Variants in CAMK2D observed in about 807,000 individuals in gnomAD.
CAMK2D encodes the protein calcium/calmodulin-dependent protein kinase type II subunit delta.
Under a neutral mutation model 84.0 loss-of-function variants are expected in CAMK2D, and 37 were observed. That is an observed-to-expected ratio of 0.44 (90% CI 0.34 to 0.58). The LOEUF (loss-of-function observed/expected upper bound fraction) is 0.58, where lower values mean the gene tolerates loss of function less well. CAMK2D is among the 20% of genes least tolerant of loss of function. The pLI, the probability that CAMK2D is intolerant of heterozygous loss-of-function variation, is 0.02. For missense variants in CAMK2D, 448 were observed against 652.5 expected, an observed-to-expected ratio of 0.69 and a Z score of 3.41; for synonymous variants, 202 against 212.5, an observed-to-expected ratio of 0.95 and a Z score of 0.43.
At chr4:113,705,022 C>G (rs74843256) in intron 2 of CAMK2D, among the ~76,000 whole-genome samples, 2,210 of 151,856 alleles carry the variant, frequency 0.015, 24 homozygotes, top group Non-Finnish European at 0.023. Context: ...GGGTGGTTTC[C>G]AGAAATACCT....
chr4:113,721,782 A>T (rs1311811889), intron 2 of CAMK2D, among the ~76,000 whole-genome samples: 1 of 152,174 alleles, frequency 6.6e-6, no homozygotes, highest in Non-Finnish European at 1.5e-5. Flanking sequence ...ATTTATCATA[A>T]ATCCTCTATC....
At chr4:113,541,223 G>A (rs927034780) in intron 6 of CAMK2D, among the ~76,000 whole-genome samples, 1 of 152,114 alleles carries the variant, frequency 6.6e-6, no homozygotes, top group African/African-American at 2.4e-5. Flanking sequence ...CATGAGGTAG[G>A]GAGGCCCAAA....
intron 2 of CAMK2D, among the ~76,000 whole-genome samples, chr4:113,667,882 T>C (rs1209824274): frequency 6.6e-6 from 1 of 152,194 alleles, no homozygotes; most frequent in African/African-American, 2.4e-5. Flanking sequence ...TACAACTATA[T>C]AGGATGATTG....
At chr4:113,539,845 A>G (rs1248444107) in intron 6 of CAMK2D, among the ~76,000 whole-genome samples, 2 of 152,178 alleles carry the variant, frequency 1.3e-5, no homozygotes, top group Non-Finnish European at 2.9e-5. Context: ...AGAATTATAT[A>G]ACGAAAATGT....
chr4:113,515,294 C>A, intron 9 of CAMK2D, 103 bp from the exon 10 acceptor site: 1 of 709,222 alleles, frequency 1.4e-6, no homozygotes, highest in South Asian at 2.1e-5. Flanking sequence ...TGAATTTCTT[C>A]ATAAATTTAC....
At chr4:113,712,734 T>C (rs879746978) in intron 2 of CAMK2D, among the ~76,000 whole-genome samples, 2 of 151,914 alleles carry the variant, frequency 1.3e-5, no homozygotes, top group Non-Finnish European at 2.9e-5. Flanking sequence ...TCCACCGCCA[T>C]GTTTAAACCA....
chr4:113,611,047 A>AACACACAC lies in CAMK2D; in HGVS notation c.221-1849_221-1842dup, dbSNP rs141563975. 1.5e-4 allele frequency among the ~76,000 whole-genome samples: 22 copies of AACACACAC among 148,628 alleles called. 1 individual carries two copies. The highest frequency in any genetic ancestry group is 7.4e-4 in the Admixed American group (11 of 14,878). On this transcript the variant is annotated intron_variant, in intron 3 of 20. Coordinates refer to ENST00000511664, the MANE Select transcript of CAMK2D (RefSeq NM_001321571.2). The stretch of plus-strand genomic sequence containing the variant: ...CTATATATATGTTATATATACACAT[A>AACACACAC]ACACACACACACACACACACACACA...
rs540209453 is a variant in CAMK2D, at chr4:113,570,790, A to G, written c.276-18694T>C. ...AAAAGATCAGACAACAAAAGCAAAA[A>G]TAGATGAGATTACATGAAACTTAAA... On this transcript the variant is annotated intron_variant, in intron 4 of 20. Transcript: ENST00000511664. 8.5e-5 allele frequency among the ~76,000 whole-genome samples: 13 copies of G among 152,304 alleles called. No individual in the cohort carries two copies. The East Asian group carries it at 2.5e-3, about 29-fold the overall frequency.
intron 6 of CAMK2D, among the ~76,000 whole-genome samples, chr4:113,546,786 A>G (rs2098578548): frequency 6.6e-6 from 1 of 152,196 alleles, no homozygotes; most frequent in African/African-American, 2.4e-5. Context: ...TTCGATTTCT[A>G]GGCTTCACTA....
At chr4:113,539,836 G>T (rs531626518) in intron 6 of CAMK2D, among the ~76,000 whole-genome samples, 8 of 152,172 alleles carry the variant, frequency 5.3e-5, no homozygotes, top group Admixed American at 2.0e-4. Flanking sequence ...CTAAAATACA[G>T]AATTATATAA....
intron 9 of CAMK2D, among the ~76,000 whole-genome samples, chr4:113,517,022 TTAAA>T (rs1181965926): frequency 2.0e-5 from 3 of 151,646 alleles, no homozygotes; most frequent in Admixed American, 6.6e-5. Flanking sequence ...TAATTATAAA[TTAAA>T]TATATTATTA....
At chr4:113,464,296 G>A (rs1189556502) in intron 17 of CAMK2D, among the ~76,000 whole-genome samples, 1 of 152,126 alleles carries the variant, frequency 6.6e-6, no homozygotes, top group African/African-American at 2.4e-5. Flanking sequence ...GTCAGTTCAT[G>A]TTCTTTACCT....
rs139130787 is a variant in CAMK2D at position 113,729,647 on chromosome 4, T to C, written c.160+29673A>G. Among the ~76,000 whole-genome samples, 387 of 152,340 alleles carry C rather than the reference T, an allele frequency of 2.5e-3. 1 individual carries two copies. Among genetic ancestry groups the C allele is most frequent in the Middle Eastern group, 6.8e-3 (2 of 294 alleles). ...ATTACATCACCATGATAGCACTTTATCTTTGCTGCACTGAAAGTCTGTGTC... is the reference window on the plus strand; with the variant it reads ...ATTACATCACCATGATAGCACTTTACCTTTGCTGCACTGAAAGTCTGTGTC... On this transcript the variant is annotated intron_variant, in intron 2 of 20. Coordinates refer to ENST00000511664, the MANE Select transcript of CAMK2D (RefSeq NM_001321571.2).
At chr4:113,689,072 A>G (rs2099372811) in intron 2 of CAMK2D, among the ~76,000 whole-genome samples, 1 of 151,764 alleles carries the variant, frequency 6.6e-6, no homozygotes, top group Non-Finnish European at 1.5e-5. Context: ...GTGAAACCCC[A>G]TCTCTACTAA....
At chr4:113,674,357 G>GGAAC (rs2154328990) in intron 2 of CAMK2D, among the ~76,000 whole-genome samples, 1 of 152,180 alleles carries the variant, frequency 6.6e-6, no homozygotes, top group Admixed American at 6.5e-5. Context: ...TCATTGAGAA[G>GGAAC]GAACATTTAC....
At chr4:113,504,799 A>G (rs1031581014) in intron 14 of CAMK2D, among the ~76,000 whole-genome samples, 177 bp downstream of exon 14, 11 of 151,368 alleles carry the variant, frequency 7.3e-5, no homozygotes, top group African/African-American at 2.7e-4. Flanking sequence ...AAAAAAAACC[A>G]AAAGAAATGA....
At chr4:113,494,094 T>A (rs2097889015) in intron 16 of CAMK2D, among the ~76,000 whole-genome samples, 1 of 152,240 alleles carries the variant, frequency 6.6e-6, no homozygotes, top group African/African-American at 2.4e-5. Context: ...TTGAATGTCC[T>A]CCCGTAGCTC....
chr4:113,622,622 G>T (rs933054568), intron 3 of CAMK2D, among the ~76,000 whole-genome samples: 5 of 152,160 alleles, frequency 3.3e-5, no homozygotes, highest in African/African-American at 1.2e-4. Context: ...TTAAAAGCTG[G>T]ACGTGGTGTT....
chr4:113,500,143 T>A (rs2098013234), intron 16 of CAMK2D, among the ~76,000 whole-genome samples: 1 of 152,178 alleles, frequency 6.6e-6, no homozygotes, highest in African/African-American at 2.4e-5. Flanking sequence ...TTTATATTAC[T>A]TTTTGACTGA....
Sources: gnomAD v4.1 joint callset for allele counts (sites outside exome capture counted in the v4.1 genomes callset) on GRCh38, gnomAD v4.1.1 for gene constraint, MANE v1.5 for transcripts, NCBI Gene and HGNC (gene_info 2026-07-23, HGNC 2026-07-21) for gene names.